The following RYR2 variants were observed in gnomAD, a reference collection of about 807,000 sequenced individuals.
The protein encoded by RYR2 is ryanodine receptor 2, also known as cardiac muscle ryanodine receptor-calcium release channel.
RYR2 carries 227 observed loss-of-function variants against 601.1 expected under a neutral mutation model. The observed-to-expected ratio is 0.38, with a 90% CI of 0.34 to 0.42. RYR2 has a LOEUF of 0.42. Among genes scored for constraint, RYR2 ranks in the 10% least tolerant of loss-of-function variants. RYR2 has a pLI of 1.00. For synonymous variants in RYR2, 2,223 were observed against 2,175.1 expected, an observed-to-expected ratio of 1.02 and a Z score of -0.61; for missense variants, 4,646 against 6,156.5, an observed-to-expected ratio of 0.75 and a Z score of 8.21.
At chr1:237,128,409 G>A (rs1238369957) in intron 1 of RYR2, among the ~76,000 whole-genome samples, 2 of 152,190 alleles carry the variant, frequency 1.3e-5, no homozygotes, top group East Asian at 3.9e-4. Flanking sequence ...GAGGGAGAGG[G>A]AGAGGGACTG....
At chr1:237,313,311 A>G (rs746317386) in intron 2 of RYR2, among the ~76,000 whole-genome samples, 1 of 152,168 alleles carries the variant, frequency 6.6e-6, no homozygotes, top group African/African-American at 2.4e-5. Flanking sequence ...GACAAAAGGG[A>G]CTTGGTGATT....
At chr1:237,570,316 G>A (rs992392366) in intron 29 of RYR2, among the ~76,000 whole-genome samples, 11 of 150,414 alleles carry the variant, frequency 7.3e-5, no homozygotes, top group African/African-American at 2.7e-4. Flanking sequence ...ACACAGGGCT[G>A]TTTATATTTA....
chr1:237,614,652 A>G lies in RYR2; in HGVS notation c.5524A>G (p.Ile1842Val). ...GIFHNEDLKH[I>V]LQLIEPSVFK... ...CTTTCACAACGAGGACTTGAAGCACATCTTGCAGTTGATTGAGCCCAGTGT... is the reference window on the plus strand; with the variant it reads ...CTTTCACAACGAGGACTTGAAGCACGTCTTGCAGTTGATTGAGCCCAGTGT... The change falls in exon 37 of 105, where the codon ATC (isoleucine) becomes GTC (valine). Residue 1842 changes from isoleucine to valine, a missense_variant. Ile to Val is a conservative substitution (Grantham distance 29). Coordinates refer to ENST00000366574, the MANE Select transcript of RYR2 (RefSeq NM_001035.3). This position sits in a 1 kb window ranked among gnomAD's most constrained non-coding sequence, Gnocchi z 4.3. 4 of 1,614,018 alleles carry G rather than the reference A, an allele frequency of 2.5e-6. No homozygotes were observed. Among genetic ancestry groups the G allele is most frequent in the Non-Finnish European group, 3.4e-6 (4 of 1,179,902 alleles).
At position 237,634,914 on chromosome 1, in the gene RYR2, A is replaced by G; in HGVS notation, c.6714A>G (p.Thr2238=). ...CCTCCCCAGCTATGAGAGGTTCAAC[A>G]CCACTGGATGTGGCTGCAGCTTCGG... ...GLASPAMRGS[T]PLDVAAASVM... The change falls in exon 44 of 105, where the codon ACA becomes ACG. Residue 2238 remains threonine (T), a synonymous_variant. Coordinates refer to ENST00000366574, the MANE Select transcript of RYR2 (RefSeq NM_001035.3). The G allele has an allele frequency of 6.2e-7, 1 of 1,609,472 alleles. No individual in the cohort carries two copies.
chr1:237,056,490 C>A (rs1328766650), intron 1 of RYR2, among the ~76,000 whole-genome samples: 52 of 146,300 alleles, frequency 3.6e-4, no homozygotes, highest in Non-Finnish European at 1.2e-4. Context: ...GAGACTGCAC[C>A]TGTGAGGACT....
rs78258962 is a variant in RYR2, at chr1:237,746,935, A to G, written c.11145+4586A>G. On this transcript the variant is annotated intron_variant, in intron 80 of 104. Transcript: ENST00000366574. ...ATGGGTTTTTCTCACCTAGATCAAC[A>G]AAGAACTTTGATACTGCAGTAGAAC... Among the ~76,000 whole-genome samples, 1,019 of 152,288 alleles carry G rather than the reference A, an allele frequency of 6.7e-3. 33 individuals carry two copies. Among genetic ancestry groups the G allele is most frequent in the East Asian group, 0.06 (312 of 5,180 alleles).
chr1:237,044,168 G>A (rs1660269326), intron 1 of RYR2, among the ~76,000 whole-genome samples: 1 of 124,382 alleles, frequency 8.0e-6, no homozygotes. Flanking sequence ...CTTTTTCATA[G>A]AAAATAGACT....
chr1:237,829,882 G>A (rs1360500352), intron 102 of RYR2: 1 of 152,146 alleles, frequency 6.6e-6, no homozygotes, highest in East Asian at 1.9e-4. Flanking sequence ...CTAAGCAGGT[G>A]CCCCTCTACA....
chr1:237,510,448 G>A (rs986396250), intron 23 of RYR2, among the ~76,000 whole-genome samples: 2 of 152,124 alleles, frequency 1.3e-5, no homozygotes, highest in African/African-American at 4.8e-5. Flanking sequence ...TCGTTTGTAG[G>A]GTTAGAGATT....
chr1:237,718,695 G>T (rs961605948), intron 73 of RYR2, among the ~76,000 whole-genome samples, 174 bp downstream of exon 73: 2 of 152,032 alleles, frequency 1.3e-5, no homozygotes, highest in African/African-American at 2.4e-5. Context: ...GATAATAAAT[G>T]ATATATTTTT....
At chr1:237,672,797 A>C (rs1054691064) in intron 58 of RYR2, among the ~76,000 whole-genome samples, 1 of 152,198 alleles carries the variant, frequency 6.6e-6, no homozygotes, top group African/African-American at 2.4e-5. Flanking sequence ...GTCTTCTGAC[A>C]ACTGTTTGTG....
At position 237,072,923 on chromosome 1, in the gene RYR2, G is replaced by A. The variant is rs539423586; in HGVS notation, c.48+30354G>A. 2.0e-5 allele frequency among the ~76,000 whole-genome samples: 3 copies of A among 147,964 alleles called. No individual in the cohort carries two copies. The Admixed American group carries it at 2.0e-4, about 10-fold the overall frequency. On this transcript the variant is annotated intron_variant, in intron 1 of 104. Coordinates refer to ENST00000366574, the MANE Select transcript of RYR2 (RefSeq NM_001035.3). ...AGATCATGCCACTACACTCCAGCAC[G>A]GGCGACAGAGCGAGACTCCATCTCA...
chr1:237,167,755 C>T (rs1676882363), intron 1 of RYR2, among the ~76,000 whole-genome samples: 1 of 115,622 alleles, frequency 8.6e-6, no homozygotes, highest in Admixed American at 1.2e-4. Context: ...TGAGGTCTTG[C>T]TGTGTCACCC....
intron 8 of RYR2, among the ~76,000 whole-genome samples, chr1:237,382,520 T>TCC (rs570819650): frequency 9.4e-6 from 1 of 105,902 alleles, no homozygotes; most frequent in African/African-American, 3.6e-5. Flanking sequence ...ATGTTATCCC[T>TCC]CCCCCCTCCC....
chr1:237,309,866 G>C (rs12743962), intron 2 of RYR2, among the ~76,000 whole-genome samples: 68,061 of 152,000 alleles, frequency 0.45, 16,006 homozygotes, highest in African/African-American at 0.59. Flanking sequence ...AGCTGCTGCC[G>C]CAGGTGCTAA....
At chr1:237,759,627 C>A in intron 82 of RYR2, 149 bp from the exon 83 acceptor site, 1 of 645,426 alleles carries the variant, frequency 1.5e-6, no homozygotes, top group South Asian at 1.8e-5. Flanking sequence ...TGTGTTCCTA[C>A]TTCATGATAA....
intron 38 of RYR2, among the ~76,000 whole-genome samples, chr1:237,623,359 G>GTTTCTTTCTTTCTTTGTTTC (rs35848815): frequency 8.2e-5 from 4 of 48,934 alleles, no homozygotes; most frequent in African/African-American, 1.7e-4. Flanking sequence ...GCCTTTCTTT[G>GTTTCTTTCTTTCTTTGTTTC]TTTCTTTCTT....
chr1:237,320,704 A>T (rs926069747), intron 2 of RYR2, among the ~76,000 whole-genome samples: 1 of 152,242 alleles, frequency 6.6e-6, no homozygotes, highest in Non-Finnish European at 1.5e-5. Flanking sequence ...CTCCTATGGA[A>T]GTGGTGACTC....
At chr1:237,423,337 A>G in intron 12 of RYR2, 89 bp downstream of exon 12, 1 of 1,387,740 alleles carries the variant, frequency 7.2e-7, no homozygotes, top group Admixed American at 2.4e-5. Context: ...ATGAGAAAAT[A>G]AATGATGTAA....
Sources: gnomAD v4.1 joint callset for allele counts (sites outside exome capture counted in the v4.1 genomes callset) on GRCh38, gnomAD v4.1.1 for gene constraint, Gnocchi (gnomAD v3.1) non-coding constraint, MANE v1.5 for transcripts, NCBI Gene and HGNC (gene_info 2026-07-23, HGNC 2026-07-21) for gene names.